FAM133B: variants seen among roughly 807,000 people sequenced by gnomAD.
The protein encoded by FAM133B is family with sequence similarity 133 member B.
Under a neutral mutation model 46.4 loss-of-function variants are expected in FAM133B, and 25 were observed. The observed-to-expected ratio is 0.54, with a 90% CI of 0.39 to 0.75. The LOEUF (loss-of-function observed/expected upper bound fraction) is 0.75. Among genes scored for constraint, FAM133B ranks in the 30% least tolerant of loss-of-function variants. The probability of loss-of-function intolerance (pLI) is 0.00; values close to 1 mark genes in which losing one functional copy is unlikely to be tolerated. For missense variants in FAM133B, 205 were observed against 277.6 expected (o/e 0.74, Z 1.86); for synonymous variants, 75 against 86.0 (o/e 0.87, Z 0.71).
intron 1 of FAM133B, among the ~76,000 whole-genome samples, chr7:92,586,869 TGGC>T (rs1256457474): frequency 1.3e-5 from 2 of 152,238 alleles, no homozygotes; most frequent in Admixed American, 1.3e-4. Flanking sequence ...GCACAAAAGG[TGGC>T]CATCATGAAC....
At chr7:92,580,186 GC>G (rs1475521593) in intron 2 of FAM133B, among the ~76,000 whole-genome samples, 1 of 150,264 alleles carries the variant, frequency 6.7e-6, no homozygotes, top group African/African-American at 2.5e-5. Context: ...CAATCCTCCT[GC>G]CTCAGTATCC....
At chr7:92,579,188 C>A in intron 3 of FAM133B, 129 bp downstream of exon 3, 1 of 681,762 alleles carries the variant, frequency 1.5e-6, no homozygotes, top group South Asian at 1.8e-5. Context: ...GGGGGCCTTA[C>A]TTTGTTGCCC....
At chr7:92,567,187 A>C (rs911468701) in intron 9 of FAM133B, among the ~76,000 whole-genome samples, 3 of 152,214 alleles carry the variant, frequency 2.0e-5, no homozygotes, top group African/African-American at 7.2e-5. Flanking sequence ...ATTGCCCTCC[A>C]GCCTGGGCGA....
chr7:92,579,434 T>C, intron 2 of FAM133B, 39 bp from the exon 3 acceptor site: 1 of 1,427,648 alleles, frequency 7.0e-7, no homozygotes, highest in Non-Finnish European at 9.6e-7. Flanking sequence ...TTCAAGCAAT[T>C]CAAATTAGAT....
chr7:92,575,884 C>A, intron 7 of FAM133B, 63 bp from the exon 8 acceptor site: 3 of 668,894 alleles, frequency 4.5e-6, no homozygotes, highest in Non-Finnish European at 5.0e-6. Context: ...AGAACAAGGA[C>A]AAAAACACCC....
intron 1 of FAM133B, among the ~76,000 whole-genome samples, chr7:92,582,610 G>C (rs1358211219): frequency 1.3e-5 from 2 of 152,074 alleles, no homozygotes; most frequent in African/African-American, 4.8e-5. Flanking sequence ...TTAATATCCA[G>C]AATGTAAAAT....
At chr7:92,578,954 TAGG>T (rs941164314) in intron 3 of FAM133B, among the ~76,000 whole-genome samples, 1 of 152,036 alleles carries the variant, frequency 6.6e-6, no homozygotes, top group Non-Finnish European at 1.5e-5. Flanking sequence ...GAGGCTGAAG[TAGG>T]AGGACTGCTC....
At chr7:92,569,938 T>C (rs1402577844) in intron 8 of FAM133B, 23 bp from the exon 9 acceptor site, 5 of 1,127,758 alleles carry the variant, frequency 4.4e-6, no homozygotes, top group Non-Finnish European at 6.0e-6. Context: ...AATACATTTA[T>C]CTTGACTCAG....
intron 9 of FAM133B, 106 bp downstream of exon 9, chr7:92,569,717 A>C (rs949673513): frequency 3.6e-6 from 2 of 552,342 alleles, no homozygotes; most frequent in Admixed American, 8.5e-5. Context: ...TCATACTAGA[A>C]AGGTGAATAA....
chr7:92,575,835 T>C lies in FAM133B; in HGVS notation c.466-14A>G. On this transcript the variant is annotated splice_polypyrimidine_tract_variant and intron_variant, in intron 7 of 10. Coordinates refer to ENST00000445716, the MANE Select transcript of FAM133B (RefSeq NM_152789.4). ...TTTTAAACTATCCTAAACAAAGAAA[T>C]ATATGTATCAATTTTAAATGCCAAG... is the stretch of plus-strand genomic sequence containing the variant. 1.7e-6 allele frequency: 2 copies of C among 1,178,216 alleles called. No individual in the cohort carries two copies. The highest frequency in any genetic ancestry group is 2.5e-6 in the Non-Finnish European group (2 of 805,398). 73.0% of individuals were successfully genotyped at this position (1,178,216 alleles called of 1,614,324 possible).
At chr7:92,577,609 G>C in intron 6 of FAM133B, 46 bp downstream of exon 6, 1 of 1,454,860 alleles carries the variant, frequency 6.9e-7, no homozygotes, top group Non-Finnish European at 9.3e-7. Flanking sequence ...TGACATTAAA[G>C]AAATTAAGAG....
At chr7:92,576,679 C>G (rs1209154212) in intron 7 of FAM133B, among the ~76,000 whole-genome samples, 1 of 152,130 alleles carries the variant, frequency 6.6e-6, no homozygotes, top group African/African-American at 2.4e-5. Flanking sequence ...TTTTTCTGAC[C>G]AGTAATGTTT....
chr7:92,583,448 A>G lies in FAM133B; in HGVS notation c.25-1845T>C, dbSNP rs148583097. ...AAACTATATAGTTAGAAACAGTTAA[A>G]ATGGTAAATTTTGTTATACATATTT... On this transcript the variant is annotated intron_variant, in intron 1 of 10. Coordinates refer to ENST00000445716, the MANE Select transcript of FAM133B (RefSeq NM_152789.4). 1.2e-3 allele frequency among the ~76,000 whole-genome samples: 186 copies of G among 152,358 alleles called. 2 individuals carry two copies. The highest frequency in any genetic ancestry group is 4.3e-3 in the African/African-American group (177 of 41,590).
intron 2 of FAM133B, 39 bp downstream of exon 2, chr7:92,581,467 G>T: frequency 6.5e-7 from 1 of 1,529,288 alleles, no homozygotes. Flanking sequence ...TTAAAAAGTT[G>T]ATAAAAGCTT....
rs1472397092 is a variant in FAM133B at position 92,575,744 on chromosome 7, C to T, written c.516+27G>A. 9 of 1,273,550 alleles carry T rather than the reference C, an allele frequency of 7.1e-6. No individual in the cohort carries two copies. In the East Asian group the frequency reaches 2.1e-4, roughly 30 times the overall value. 78.9% of individuals were successfully genotyped at this position (1,273,550 alleles called of 1,614,324 possible). A position where few individuals can be genotyped will look rare whatever the true frequency, so the allele number is the denominator to read the frequency against. On this transcript the variant is annotated intron_variant, in intron 8 of 10. Transcript: ENST00000445716. Reference sequence around the variant, plus strand: ...AATTAAGTATTATATGACAGACTATCTTAAGGCAATGTAAAAGTATAGTTA... The same window carrying T: ...AATTAAGTATTATATGACAGACTATTTTAAGGCAATGTAAAAGTATAGTTA...
intron 1 of FAM133B, among the ~76,000 whole-genome samples, chr7:92,589,239 TTTCA>T (rs1387277136): frequency 5.3e-5 from 8 of 152,232 alleles, no homozygotes; most frequent in African/African-American, 1.9e-4. Context: ...CTTATTGTTA[TTTCA>T]TTATGTTTAC....
At chr7:92,573,689 CTTATT>C (rs1794606352) in intron 8 of FAM133B, among the ~76,000 whole-genome samples, 1 of 151,468 alleles carries the variant, frequency 6.6e-6, no homozygotes, top group African/African-American at 2.4e-5. Context: ...AGGGTAACCA[CTTATT>C]TTATAATCGT....
chr7:92,580,481 A>G (rs77096344), intron 2 of FAM133B, among the ~76,000 whole-genome samples: 2,434 of 152,266 alleles, frequency 0.016, 68 homozygotes, highest in African/African-American at 0.055. Context: ...ATGAGCTTCA[A>G]TTGGTTGCCA....
chr7:92,568,287 C>G (rs570450684), intron 9 of FAM133B, among the ~76,000 whole-genome samples: 14 of 151,940 alleles, frequency 9.2e-5, no homozygotes, highest in South Asian at 2.1e-4. Flanking sequence ...TTTTGAAGGG[C>G]GTATGTAATA....
Sources: gnomAD v4.1 joint callset for allele counts (sites outside exome capture counted in the v4.1 genomes callset) on GRCh38, gnomAD v4.1.1 for gene constraint, MANE v1.5 for transcripts, NCBI Gene and HGNC (gene_info 2026-07-23, HGNC 2026-07-21) for gene names.